ABCC5: variants seen among roughly 807,000 people sequenced by gnomAD.
The protein encoded by ABCC5 is ATP-binding cassette sub-family C member 5.
In ABCC5, 61 loss-of-function variants were observed where a neutral mutation model predicts 160.9. That is an observed-to-expected ratio of 0.38 (90% CI 0.31 to 0.47). The LOEUF is 0.47. ABCC5 is among the 20% of genes least tolerant of loss of function. ABCC5 has a pLI of 0.99. For synonymous variants in ABCC5, 666 were observed against 700.6 expected (o/e 0.95, Z 0.78); for missense variants, 1,308 against 1,813.3 (o/e 0.72, Z 5.06).
rs138673196 is a variant in ABCC5 at position 183,975,372 on chromosome 3, C to G, written c.1404+2145G>C. Among the ~76,000 whole-genome samples, 379 of 152,018 alleles carry G rather than the reference C, an allele frequency of 2.5e-3. 4 individuals are homozygous for G. The highest frequency in any genetic ancestry group is 8.4e-3 in the African/African-American group (347 of 41,470). ...TCTTTTTTTTTCTGAGACAGAGTCTCGCTGTGTTGCCCAGGCTGGAGTGCA... is the reference window on the plus strand; with the variant it reads ...TCTTTTTTTTTCTGAGACAGAGTCTGGCTGTGTTGCCCAGGCTGGAGTGCA... On this transcript the variant is annotated intron_variant, in intron 10 of 29. Coordinates refer to ENST00000334444, the MANE Select transcript of ABCC5 (RefSeq NM_005688.4).
At position 183,963,553 on chromosome 3, in the gene ABCC5, C is replaced by T. The variant is rs28365018; in HGVS notation, c.2067G>A (p.Gln689=). The T allele has an allele frequency of 6.8e-6, 11 of 1,614,048 alleles. No individual in the cohort carries two copies. The African/African-American group carries it at 1.3e-4, about 20-fold the overall frequency. ...CCCGGGCAAGGCTGATCCTCTGGCG[C>T]TGCCCACCGCTCAGGTTGGCTCCTC... The part of the protein sequence containing the change: ...GERGANLSGG[Q]RQRISLARAL... Residue 689 remains glutamine (Q), a synonymous_variant, in exon 15 of 30, where the codon CAG becomes CAA. Coordinates refer to ENST00000334444, the MANE Select transcript of ABCC5 (RefSeq NM_005688.4). This position sits in a 1 kb window ranked among gnomAD's most constrained non-coding sequence, Gnocchi z 4.6.
At position 183,992,586 on chromosome 3, in the gene ABCC5, C is replaced by T. The variant is rs535493182; in HGVS notation, c.130-3203G>A. Among the ~76,000 whole-genome samples, 7 of 152,016 alleles carry T rather than the reference C, an allele frequency of 4.6e-5. No individual in the cohort carries two copies. In the South Asian group the frequency reaches 1.2e-3, roughly 27 times the overall value. On this transcript the variant is annotated intron_variant, in intron 2 of 29. Transcript: ENST00000334444. ...GGATCACGAGGTCAGGAGATCGAGACCATCCTGGCTAACACGGTGAAACCC... is the reference window on the plus strand; with the variant it reads ...GGATCACGAGGTCAGGAGATCGAGATCATCCTGGCTAACACGGTGAAACCC...
chr3:183,952,078 C>A, intron 18 of ABCC5, 75 bp from the exon 19 acceptor site: 1 of 1,526,528 alleles, frequency 6.6e-7, no homozygotes. Context: ...CCATTCTCAG[C>A]TCAAGGGCAG....
chr3:183,978,692 G>C (rs756988600), intron 8 of ABCC5, 41 bp from the exon 9 acceptor site: 1 of 1,597,052 alleles, frequency 6.3e-7, no homozygotes, highest in East Asian at 2.2e-5. Context: ...CAAGTTAAAA[G>C]AAGCCTAGGG....
intron 25 of ABCC5, among the ~76,000 whole-genome samples, chr3:183,941,960 G>A (rs1714394398): frequency 6.6e-6 from 1 of 150,902 alleles, no homozygotes; most frequent in East Asian, 2.0e-4. Flanking sequence ...GCAACAGAGT[G>A]AGACTTTGTC....
intron 29 of ABCC5, among the ~76,000 whole-genome samples, chr3:183,922,001 A>G (rs1216200287): frequency 6.6e-6 from 1 of 151,400 alleles, no homozygotes; most frequent in Non-Finnish European, 1.5e-5. Context: ...ACTGCATGCC[A>G]GGCTGGGCGA....
chr3:183,978,756 A>T, intron 8 of ABCC5, 105 bp from the exon 9 acceptor site: 1 of 1,237,118 alleles, frequency 8.1e-7, no homozygotes, highest in Non-Finnish European at 1.1e-6. Context: ...CCACCCTTCA[A>T]CACCTATGAC....
chr3:183,925,782 G>T, intron 28 of ABCC5, 63 bp from the exon 29 acceptor site: 1 of 1,475,862 alleles, frequency 6.8e-7, no homozygotes, highest in Non-Finnish European at 9.2e-7. Flanking sequence ...GGTTAATCTA[G>T]ATTTTACTAA....
chr3:183,923,955 T>C (rs970928844), intron 29 of ABCC5, among the ~76,000 whole-genome samples: 2 of 151,708 alleles, frequency 1.3e-5, no homozygotes, highest in Non-Finnish European at 1.5e-5. Context: ...GCCTGAGTCC[T>C]GTCCCATCTC....
intron 26 of ABCC5, among the ~76,000 whole-genome samples, chr3:183,937,239 TG>T (rs1713821629): frequency 6.6e-6 from 1 of 151,904 alleles, no homozygotes; most frequent in Admixed American, 6.6e-5. Flanking sequence ...TAGCTGGGCC[TG>T]GGGGAGGGCG....
At chr3:183,956,217 T>C (rs1264259745) in intron 17 of ABCC5, among the ~76,000 whole-genome samples, 4 of 148,386 alleles carry the variant, frequency 2.7e-5, no homozygotes, top group Non-Finnish European at 6.0e-5. Context: ...TGCAGATCCG[T>C]GTGTAAATCA....
At chr3:183,924,361 C>T (rs1021267472) in intron 29 of ABCC5, among the ~76,000 whole-genome samples, 6 of 152,104 alleles carry the variant, frequency 3.9e-5, no homozygotes, top group African/African-American at 1.4e-4. Flanking sequence ...TTTGTCTCCT[C>T]ATGTGTAAAG....
At chr3:184,014,486 A>G in intron 1 of ABCC5, 39 bp from the exon 2 acceptor site, 1 of 1,416,266 alleles carries the variant, frequency 7.1e-7, no homozygotes, top group Non-Finnish European at 9.4e-7. Flanking sequence ...ATTATTTCCT[A>G]AACAGTACTT....
chr3:183,975,867 T>A (rs971202573), intron 10 of ABCC5, among the ~76,000 whole-genome samples: 9 of 152,048 alleles, frequency 5.9e-5, no homozygotes, highest in African/African-American at 1.7e-4. Flanking sequence ...TCCTCACTAA[T>A]AAGCAGGAGA....
In ABCC5 at chr3:183,987,816, G is replaced by A; in HGVS notation, c.545C>T (p.Ser182Phe). Residue 182 changes from serine to phenylalanine, a missense_variant, in exon 5 of 30, where the codon TCC (serine) becomes TTC (phenylalanine). Ser to Phe is a radical substitution (Grantham distance 155). Coordinates refer to ENST00000334444, the MANE Select transcript of ABCC5 (RefSeq NM_005688.4). The surrounding 1 kb of genome is among the most constrained non-coding windows in gnomAD (Gnocchi z 4.2). ...CTGCGTGATCATCAGGCACACGATG[G>A]ACAGGATGAGCCTGGTGCGGCAGAA... is the stretch of plus-strand genomic sequence containing the variant. ...WIFCRTRLIL[S>F]IVCLMITQLA... 6.2e-7 allele frequency: 1 copy of A among 1,614,008 alleles called. No homozygotes were observed. The highest frequency in any genetic ancestry group is 8.5e-7 in the Non-Finnish European group (1 of 1,180,000).
In ABCC5 at chr3:183,965,919, C is replaced by T. The variant is rs577678104; in HGVS notation, c.1834-418G>A. 2.0e-5 allele frequency among the ~76,000 whole-genome samples: 3 copies of T among 152,082 alleles called. No individual in the cohort carries two copies. The East Asian group carries it at 5.8e-4, about 29-fold the overall frequency. On this transcript the variant is annotated intron_variant, in intron 12 of 29. Transcript: ENST00000334444. The stretch of plus-strand genomic sequence containing the variant: ...CCTAGGATGCTGGCTAGACCAGTTG[C>T]TTCTATGAAATGAGGACCAAGGGAA...
chr3:183,956,953 T>C, intron 17 of ABCC5, among the ~76,000 whole-genome samples: 1 of 148,734 alleles, frequency 6.7e-6, no homozygotes. Context: ...TGCGGATCCG[T>C]GTGTACATCA....
intron 2 of ABCC5, 74 bp from the exon 3 acceptor site, chr3:183,989,457 C>T: frequency 2.0e-6 from 3 of 1,507,330 alleles, no homozygotes; most frequent in Non-Finnish European, 2.7e-6. Context: ...ACTGATGAAA[C>T]AGCTCAAACT....
Position 183,988,041 on chromosome 3 carries a change from T to G in ABCC5, c.444-124A>C. 1 of 1,068,184 alleles carries G rather than the reference T, an allele frequency of 9.4e-7. No homozygotes were observed. The highest frequency in any genetic ancestry group is 1.6e-5 in the African/African-American group (1 of 64,002). 66.2% of individuals were successfully genotyped at this position (1,068,184 alleles called of 1,614,324 possible). On this transcript the variant is annotated intron_variant, in intron 4 of 29. Coordinates refer to ENST00000334444, the MANE Select transcript of ABCC5 (RefSeq NM_005688.4). This position sits in a 1 kb window ranked among gnomAD's most constrained non-coding sequence, Gnocchi z 4.4. ...ACTCACACAAGTCTCTCCTTTAAAATTATGTACATAGTCTTCACCTTCTGG... is the reference window on the plus strand; with the variant it reads ...ACTCACACAAGTCTCTCCTTTAAAAGTATGTACATAGTCTTCACCTTCTGG...
Sources: gnomAD v4.1 joint callset for allele counts (sites outside exome capture counted in the v4.1 genomes callset) on GRCh38, gnomAD v4.1.1 for gene constraint, Gnocchi (gnomAD v3.1) non-coding constraint, MANE v1.5 for transcripts, NCBI Gene and HGNC (gene_info 2026-07-23, HGNC 2026-07-21) for gene names.